LRRC4C: variants seen among roughly 807,000 people sequenced by gnomAD.
The protein encoded by LRRC4C is leucine-rich repeat-containing protein 4C.
Under a neutral mutation model 33.6 loss-of-function variants are expected in LRRC4C, and 5 were observed. The ratio of observed to expected loss-of-function variants is 0.15; its 90% CI spans 0.08 to 0.31. The LOEUF (loss-of-function observed/expected upper bound fraction) is 0.31. LRRC4C is among the 10% of genes least tolerant of loss of function. The pLI, the probability that LRRC4C is intolerant of heterozygous loss-of-function variation, is 1.00. For synonymous variants in LRRC4C, 329 were observed against 302.0 expected (o/e 1.09, Z -0.93); for missense variants, 560 against 796.7 (o/e 0.70, Z 3.58).
At chr11:41,088,470 A>G (rs918789945) in intron 1 of LRRC4C, among the ~76,000 whole-genome samples, 2 of 152,060 alleles carry the variant, frequency 1.3e-5, no homozygotes, top group East Asian at 1.9e-4. Context: ...GCTCTTTTCC[A>G]TAGCCATCAA....
At chr11:41,167,287 G>T (rs1053401061) in intron 1 of LRRC4C, among the ~76,000 whole-genome samples, 1 of 152,164 alleles carries the variant, frequency 6.6e-6, no homozygotes, top group Non-Finnish European at 1.5e-5. Context: ...AACACAGAAG[G>T]TTAATACTTC....
chr11:40,975,696 C>A (rs1163147361), intron 1 of LRRC4C, among the ~76,000 whole-genome samples: 1 of 152,206 alleles, frequency 6.6e-6, no homozygotes, highest in Non-Finnish European at 1.5e-5. Flanking sequence ...CAGCTCCATG[C>A]AGTAGAATGA....
intron 2 of LRRC4C, among the ~76,000 whole-genome samples, chr11:40,788,057 G>A (rs1232431243): frequency 1.3e-5 from 2 of 152,132 alleles, no homozygotes; most frequent in East Asian, 1.9e-4. Context: ...ATCCTATTCC[G>A]ATTTTACAAG....
intron 1 of LRRC4C, among the ~76,000 whole-genome samples, chr11:41,431,035 T>G (rs1955214697): frequency 6.6e-6 from 1 of 152,090 alleles, no homozygotes; most frequent in African/African-American, 2.4e-5. Flanking sequence ...TCAGCTTAAA[T>G]GCAAAAATTG....
intron 3 of LRRC4C, among the ~76,000 whole-genome samples, chr11:40,429,556 G>A (rs1950837840): frequency 1.4e-5 from 2 of 140,748 alleles, no homozygotes; most frequent in South Asian, 4.8e-4. Flanking sequence ...TTTGAATCAG[G>A]TGCAATAATA....
At chr11:40,776,534 G>C (rs557709838) in intron 2 of LRRC4C, among the ~76,000 whole-genome samples, 11 of 151,958 alleles carry the variant, frequency 7.2e-5, no homozygotes, top group Non-Finnish European at 1.3e-4. Flanking sequence ...GTTCATAATA[G>C]TCTCTGATTA....
chr11:40,879,926 T>G (rs1955085999), intron 2 of LRRC4C, among the ~76,000 whole-genome samples: 1 of 152,156 alleles, frequency 6.6e-6, no homozygotes, highest in African/African-American at 2.4e-5. Flanking sequence ...CTCTGCTTGT[T>G]GAGAGTTGGG....
intron 2 of LRRC4C, among the ~76,000 whole-genome samples, chr11:40,901,039 G>A (rs896086721): frequency 1.3e-5 from 2 of 152,008 alleles, no homozygotes; most frequent in Non-Finnish European, 2.9e-5. Flanking sequence ...GTATGAGGAC[G>A]TTCTTTGAAC....
intron 2 of LRRC4C, among the ~76,000 whole-genome samples, chr11:40,673,948 G>T (rs973477998): frequency 7.2e-5 from 11 of 152,162 alleles, no homozygotes; most frequent in African/African-American, 2.7e-4. Context: ...TCGCTTTCTT[G>T]AGTGTAATCT....
chr11:40,572,269 C>G (rs1958012397), intron 3 of LRRC4C, among the ~76,000 whole-genome samples: 1 of 152,140 alleles, frequency 6.6e-6, no homozygotes, highest in Admixed American at 6.6e-5. Flanking sequence ...GGGATAGATA[C>G]TAAGGTCCAG....
At chr11:41,211,238 A>T (rs530222829) in intron 1 of LRRC4C, among the ~76,000 whole-genome samples, 2 of 152,320 alleles carry the variant, frequency 1.3e-5, no homozygotes, top group East Asian at 3.9e-4. Context: ...CAGGGTGAAG[A>T]GCAGACTGCC....
intron 1 of LRRC4C, among the ~76,000 whole-genome samples, chr11:41,383,008 G>A (rs1170668236): frequency 2.0e-5 from 3 of 152,062 alleles, no homozygotes; most frequent in Non-Finnish European, 4.4e-5. Flanking sequence ...TACATCTTAG[G>A]TTCACCTTAG....
intron 1 of LRRC4C, among the ~76,000 whole-genome samples, chr11:41,279,428 A>ACACACACACACACCC (rs58139193): frequency 5.7e-5 from 8 of 140,888 alleles, no homozygotes; most frequent in Non-Finnish European, 9.2e-5. Flanking sequence ...ACACACACAC[A>ACACACACACACACCC]CCGTGGCAAT....
At chr11:40,665,054 T>A (rs147743083) in intron 2 of LRRC4C, among the ~76,000 whole-genome samples, 1,802 of 151,570 alleles carry the variant, frequency 0.012, 42 homozygotes, top group African/African-American at 0.042. Flanking sequence ...GGTAGTTTGC[T>A]GAGAATGATG....
chr11:40,916,811 G>C (rs1390264285), intron 2 of LRRC4C, among the ~76,000 whole-genome samples: 2 of 151,936 alleles, frequency 1.3e-5, no homozygotes, highest in African/African-American at 4.8e-5. Context: ...AGGGAGGGTA[G>C]AAAAATTGGT....
chr11:40,974,369 T>C (rs1851932637), intron 1 of LRRC4C, among the ~76,000 whole-genome samples: 1 of 152,210 alleles, frequency 6.6e-6, no homozygotes. Context: ...TTTTACTGGC[T>C]GATGCACCTT....
At chr11:40,128,220 G>A (rs1207690392) in intron 6 of LRRC4C, among the ~76,000 whole-genome samples, 1 of 152,184 alleles carries the variant, frequency 6.6e-6, no homozygotes, top group African/African-American at 2.4e-5. Flanking sequence ...AGTGTACACT[G>A]AAAGCGAATC....
chr11:40,376,404 G>A (rs1262281027), intron 3 of LRRC4C, among the ~76,000 whole-genome samples: 3 of 152,146 alleles, frequency 2.0e-5, no homozygotes, highest in Admixed American at 2.0e-4. Context: ...GAGCAGAGAC[G>A]ACATCTGTTA....
At position 40,114,609 on chromosome 11, in the gene LRRC4C, G is replaced by C; in HGVS notation, c.1684C>G (p.Pro562Ala). The C allele has an allele frequency of 6.2e-7, 1 of 1,614,122 alleles. No homozygotes were observed. ...KQHHRQNHHA[P>A]TRTVEIINVD... ...TTAATAATTTCAACAGTCCTTGTTGGGGCGTGATGGTTTTGCCGATGGTGC... is the reference window on the plus strand; with the variant it reads ...TTAATAATTTCAACAGTCCTTGTTGCGGCGTGATGGTTTTGCCGATGGTGC... The change falls in exon 7 of 7, where the codon CCA becomes GCA. Residue 562 changes from proline to alanine, a missense_variant. By Grantham distance (27) the Pro-to-Ala change is conservative. This residue lies in a region of LRRC4C where 103 missense variants were observed against 132.1 expected (regional missense o/e 0.78). Transcript: ENST00000528697.
Sources: allele counts gnomAD v4.1 joint callset (sites outside exome capture counted in the v4.1 genomes callset), GRCh38; gene constraint gnomAD v4.1.1; regional missense constraint gnomAD v4.1.1; transcripts MANE v1.5; gene names NCBI Gene and HGNC (gene_info 2026-07-23, HGNC 2026-07-21).